The following MGAT5 variants were observed in gnomAD, a reference collection of about 807,000 sequenced individuals.
MGAT5 encodes the protein alpha-1,6-mannosylglycoprotein 6-beta-N-acetylglucosaminyltransferase A.
A neutral mutation model predicts 94.3 loss-of-function variants in MGAT5; 30 were observed. The ratio of observed to expected loss-of-function variants is 0.32; its 90% CI spans 0.24 to 0.43. The LOEUF (loss-of-function observed/expected upper bound fraction) is 0.43, where lower values mean the gene tolerates loss of function less well. Among genes scored for constraint, MGAT5 ranks in the 20% least tolerant of loss-of-function variants. The pLI is 1.00. For missense variants in MGAT5, 691 were observed against 905.5 expected (o/e 0.76, Z 3.04); for synonymous variants, 310 against 322.9 (o/e 0.96, Z 0.43).
intron 6 of MGAT5, among the ~76,000 whole-genome samples, chr2:134,339,358 T>A (rs1688502875): frequency 6.6e-6 from 1 of 152,154 alleles, no homozygotes; most frequent in Admixed American, 6.5e-5. Context: ...ATAGTTTACA[T>A]TATTTTTGAG....
chr2:134,362,333 T>C lies in MGAT5; in HGVS notation c.1305T>C (p.Ser435=), dbSNP rs1680149243. The change falls in exon 10 of 16, where the codon AGT becomes AGC. Residue 435 remains serine (S), a synonymous_variant. Transcript: ENST00000281923. The part of the protein sequence containing the change: ...GFVVEQHLNS[S]DIHHINEIKR... ...TGGTTGAGCAGCACCTGAACTCCAGTGATATCCACCACATTAATGAAATCA... is the reference window on the plus strand; with the variant it reads ...TGGTTGAGCAGCACCTGAACTCCAGCGATATCCACCACATTAATGAAATCA... The C allele has an allele frequency of 6.2e-7, 1 of 1,613,972 alleles. No homozygotes were observed. Among genetic ancestry groups the C allele is most frequent in the African/African-American group, 1.3e-5 (1 of 74,934 alleles).
At chr2:134,144,641 A>G (rs1205569488) in intron 1 of MGAT5, among the ~76,000 whole-genome samples, 2 of 152,214 alleles carry the variant, frequency 1.3e-5, no homozygotes, top group Non-Finnish European at 2.9e-5. Context: ...TTTAATTTAT[A>G]TATATTTTCT....
At chr2:134,157,406 G>A (rs1453778993) in intron 1 of MGAT5, among the ~76,000 whole-genome samples, 1 of 152,062 alleles carries the variant, frequency 6.6e-6, no homozygotes, top group Non-Finnish European at 1.5e-5. Flanking sequence ...AGTGCTTGGG[G>A]GTTTAGTAAG....
intron 1 of MGAT5, among the ~76,000 whole-genome samples, chr2:134,219,775 T>A (rs187935609): frequency 3.9e-4 from 60 of 152,298 alleles, no homozygotes; most frequent in African/African-American, 1.4e-3. Flanking sequence ...TGGGAGTGTT[T>A]GAATTTGGGA....
intron 10 of MGAT5, among the ~76,000 whole-genome samples, chr2:134,383,545 G>T (rs1558843967): frequency 1.3e-5 from 2 of 152,112 alleles, no homozygotes; most frequent in Non-Finnish European, 2.9e-5. Context: ...CCTGCTGGCT[G>T]CCCCAGGCTG....
At chr2:134,397,978 A>G (rs1287429833) in intron 10 of MGAT5, among the ~76,000 whole-genome samples, 1 of 152,194 alleles carries the variant, frequency 6.6e-6, no homozygotes, top group African/African-American at 2.4e-5. Flanking sequence ...TTTCTTAAAT[A>G]AAAAATAGGA....
intron 4 of MGAT5, among the ~76,000 whole-genome samples, chr2:134,333,608 A>T (rs903418514): frequency 8.6e-5 from 13 of 152,016 alleles, no homozygotes; most frequent in African/African-American, 3.1e-4. Flanking sequence ...AAAAAAAAGA[A>T]GGTGGTGGGG....
intron 1 of MGAT5, among the ~76,000 whole-genome samples, chr2:134,140,127 G>A (rs2104950955): frequency 1.3e-5 from 2 of 152,356 alleles, no homozygotes; most frequent in South Asian, 2.1e-4. Context: ...GGTTGTGTGA[G>A]CCACTCCCTG....
At chr2:134,359,299 T>C (rs754540438) in intron 9 of MGAT5, among the ~76,000 whole-genome samples, 2 of 152,240 alleles carry the variant, frequency 1.3e-5, no homozygotes, top group African/African-American at 4.8e-5. Flanking sequence ...ATTTGGACTA[T>C]GAGGCTGTGT....
At chr2:134,445,464 G>A (rs1685720317) in intron 15 of MGAT5, among the ~76,000 whole-genome samples, 1 of 152,052 alleles carries the variant, frequency 6.6e-6, no homozygotes, top group Non-Finnish European at 1.5e-5. Context: ...GGAGGGGCGG[G>A]AGCAGCAGGT....
intron 1 of MGAT5, among the ~76,000 whole-genome samples, chr2:134,245,015 AATT>A (rs1682163785): frequency 6.6e-6 from 1 of 151,960 alleles, no homozygotes; most frequent in Non-Finnish European, 1.5e-5. Flanking sequence ...TTGTTTTCAG[AATT>A]ATTATTATTT....
chr2:134,399,440 C>G (rs1019689038), intron 10 of MGAT5, among the ~76,000 whole-genome samples: 1 of 152,208 alleles, frequency 6.6e-6, no homozygotes, highest in African/African-American at 2.4e-5. Flanking sequence ...CATGCGCTCT[C>G]CTTCCCTTTG....
At chr2:134,378,494 C>T (rs1681329263) in intron 10 of MGAT5, among the ~76,000 whole-genome samples, 1 of 152,122 alleles carries the variant, frequency 6.6e-6, no homozygotes, top group African/African-American at 2.4e-5. Context: ...AATTTGTTTC[C>T]AAGCTGTGCC....
Position 134,351,425 on chromosome 2 carries a change from T to A in MGAT5, c.1246+1487T>A, listed in dbSNP as rs140081542. Among the ~76,000 whole-genome samples the A allele has an allele frequency of 2.4e-3, 372 of 152,256 alleles. 6 individuals are homozygous for A. The highest frequency in any genetic ancestry group is 0.022 in the East Asian group (115 of 5,170). On this transcript the variant is annotated intron_variant, in intron 9 of 15. Transcript: ENST00000281923. ...AAGTGACTAAAACCGCTGGGTGATA[T>A]GGCAGGCGTGTGCCCTACAAGAGAT...
intron 2 of MGAT5, among the ~76,000 whole-genome samples, chr2:134,278,389 G>A (rs1488072366): frequency 6.6e-6 from 1 of 152,196 alleles, no homozygotes; most frequent in East Asian, 1.9e-4. Context: ...GGAAGTTTTG[G>A]CAACTCTCTA....
At chr2:134,330,711 G>A (rs1265368928) in intron 4 of MGAT5, among the ~76,000 whole-genome samples, 4 of 152,016 alleles carry the variant, frequency 2.6e-5, no homozygotes, top group African/African-American at 9.7e-5. Context: ...AAAATGAAAA[G>A]CACCCAGAAC....
intron 4 of MGAT5, among the ~76,000 whole-genome samples, chr2:134,328,995 A>G (rs543881364): frequency 1.3e-5 from 2 of 152,220 alleles, no homozygotes; most frequent in East Asian, 1.9e-4. Context: ...ATTACAGCCA[A>G]TGAAGTTTGA....
intron 2 of MGAT5, among the ~76,000 whole-genome samples, chr2:134,303,342 C>T (rs1038356794): frequency 3.3e-5 from 5 of 151,992 alleles, no homozygotes; most frequent in African/African-American, 1.2e-4. Context: ...TTTAATAATT[C>T]TTTATTATGT....
At chr2:134,438,009 C>G (rs1042383287) in intron 14 of MGAT5, among the ~76,000 whole-genome samples, 2 of 126,904 alleles carry the variant, frequency 1.6e-5, no homozygotes, top group Admixed American at 8.0e-5. Context: ...AGCGAGACTC[C>G]GTCTCAAAAA....
Sources: allele counts gnomAD v4.1 joint callset (sites outside exome capture counted in the v4.1 genomes callset), GRCh38; gene constraint gnomAD v4.1.1; transcripts MANE v1.5; gene names NCBI Gene and HGNC (gene_info 2026-07-23, HGNC 2026-07-21).